CNKSR3: variants seen among roughly 807,000 people sequenced by gnomAD.
CNKSR3 encodes the protein connector enhancer of kinase suppressor of ras 3.
CNKSR3 carries 36 observed loss-of-function variants against 67.7 expected under a neutral mutation model. The ratio of observed to expected loss-of-function variants is 0.53; its 90% CI spans 0.41 to 0.70. The LOEUF (loss-of-function observed/expected upper bound fraction) is 0.70, where lower values mean the gene tolerates loss of function less well. Ranked by LOEUF, CNKSR3 falls within the 30% of genes least tolerant of loss-of-function variation. The pLI is 0.00. For synonymous variants in CNKSR3, 281 were observed against 271.4 expected, an observed-to-expected ratio of 1.04 and a Z score of -0.35; for missense variants, 630 against 695.2, an observed-to-expected ratio of 0.91 and a Z score of 1.05.
At position 154,398,367 on chromosome 6, in the gene CNKSR3, A is replaced by G. The variant is rs1784682849; in HGVS notation, c.*7987T>C. On this transcript the variant is annotated 3_prime_UTR_variant, in exon 13 of 13. Coordinates refer to ENST00000607772, the MANE Select transcript of CNKSR3 (RefSeq NM_173515.4). ...CCCCACAAAAGTGATTGTTATGCTG[A>G]GCCGAACAACCATTTTTTACTTCCC... 1 of 152,244 alleles carries G rather than the reference A, an allele frequency of 6.6e-6. No individual in the cohort carries two copies. The highest frequency in any genetic ancestry group is 1.5e-5 in the Non-Finnish European group (1 of 68,048). The allele number at this position is 152,244 out of a possible 1,614,324, so 9.4% of individuals were successfully genotyped here. A position where few individuals can be genotyped will look rare whatever the true frequency, so the allele number is the denominator to read the frequency against.
At chr6:154,450,796 A>C (rs1369449663) in intron 1 of CNKSR3, among the ~76,000 whole-genome samples, 1 of 152,226 alleles carries the variant, frequency 6.6e-6, no homozygotes, top group Non-Finnish European at 1.5e-5. Flanking sequence ...AAGAACTGAG[A>C]AGCTCTTTCT....
intron 5 of CNKSR3, among the ~76,000 whole-genome samples, chr6:154,431,131 G>A (rs9479849): frequency 0.02 from 3,104 of 151,968 alleles, 58 homozygotes; most frequent in African/African-American, 0.049. Context: ...CTTGTACTAG[G>A]TGTGGTGCAT....
In CNKSR3 at chr6:154,405,552, T is replaced by C. The variant is rs567064601; in HGVS notation, c.*802A>G. ...AAGACAGACACTGAACAGGTCAAAATGCAAACTCATGTATCTTTCATCAAC... is the reference window on the plus strand; with the variant it reads ...AAGACAGACACTGAACAGGTCAAAACGCAAACTCATGTATCTTTCATCAAC... On this transcript the variant is annotated 3_prime_UTR_variant, in exon 13 of 13. Transcript: ENST00000607772. The C allele has an allele frequency of 6.6e-6, 1 of 152,376 alleles. No homozygotes were observed. Among genetic ancestry groups the C allele is most frequent in the South Asian group, 2.1e-4 (1 of 4,836 alleles). The allele number at this position is 152,376 out of a possible 1,614,324, so 9.4% of individuals were successfully genotyped here.
intron 1 of CNKSR3, among the ~76,000 whole-genome samples, chr6:154,457,942 G>A (rs1785993877): frequency 1.3e-5 from 2 of 152,196 alleles, no homozygotes; most frequent in South Asian, 4.1e-4. Context: ...GTTCTGCTGA[G>A]TTTCTCCAAA....
intron 2 of CNKSR3, 59 bp from the exon 3 acceptor site, chr6:154,442,349 G>A (rs1450709313): frequency 2.1e-5 from 30 of 1,457,254 alleles, no homozygotes; most frequent in Middle Eastern, 1.8e-4. Flanking sequence ...TCGACAGGGC[G>A]CGGTGGCTCA....
At chr6:154,447,166 A>G (rs1268232468) in intron 2 of CNKSR3, among the ~76,000 whole-genome samples, 1 of 152,012 alleles carries the variant, frequency 6.6e-6, no homozygotes, top group Non-Finnish European at 1.5e-5. Flanking sequence ...GTTATTCTCA[A>G]TCACACCCTC....
At chr6:154,486,166 G>A (rs1171866045) in intron 1 of CNKSR3, among the ~76,000 whole-genome samples, 2 of 152,024 alleles carry the variant, frequency 1.3e-5, no homozygotes, top group Non-Finnish European at 2.9e-5. Flanking sequence ...CGTCAATATC[G>A]CCAGCCCTCA....
At chr6:154,476,240 C>T (rs1231164116) in intron 1 of CNKSR3, among the ~76,000 whole-genome samples, 2 of 151,912 alleles carry the variant, frequency 1.3e-5, no homozygotes, top group East Asian at 1.9e-4. Flanking sequence ...ATGGATCACC[C>T]GAGGTCAGGA....
At chr6:154,423,631 T>C (rs1288768986) in intron 7 of CNKSR3, among the ~76,000 whole-genome samples, 2 of 152,192 alleles carry the variant, frequency 1.3e-5, no homozygotes, top group Admixed American at 6.5e-5. Flanking sequence ...CATATCCTTA[T>C]CAAAATTAAT....
intron 1 of CNKSR3, among the ~76,000 whole-genome samples, chr6:154,498,299 G>T (rs536358690): frequency 1.5e-3 from 223 of 152,026 alleles, no homozygotes; most frequent in South Asian, 3.7e-3. Flanking sequence ...GACCATGGCT[G>T]TCCACAGAGG....
At position 154,410,359 on chromosome 6, in the gene CNKSR3, T is replaced by A. The variant is rs1362415351; in HGVS notation, c.1353A>T (p.Arg451=). 6.2e-7 allele frequency: 1 copy of A among 1,613,884 alleles called. No individual in the cohort carries two copies. The highest frequency in any genetic ancestry group is 1.3e-5 in the African/African-American group (1 of 75,012). The part of the protein sequence containing the change: ...MGIVDPFARP[R]GHGRKGEDAL... ...GAAACGTACCTTTCCTGCCATGACC[T>A]CGAGGTCTGGCAAAAGGGTCCACAA... is the stretch of plus-strand genomic sequence containing the variant. The change falls in exon 12 of 13, where the codon CGA becomes CGT. Residue 451 remains arginine, a synonymous_variant. Transcript: ENST00000607772.
At chr6:154,502,622 T>C (rs1324970642) in intron 1 of CNKSR3, among the ~76,000 whole-genome samples, 7 of 152,166 alleles carry the variant, frequency 4.6e-5, no homozygotes, top group African/African-American at 1.4e-4. Context: ...CTCTGGACCT[T>C]GGACAATTCA....
At chr6:154,452,727 A>G (rs1317461747) in intron 1 of CNKSR3, among the ~76,000 whole-genome samples, 2 of 152,244 alleles carry the variant, frequency 1.3e-5, no homozygotes, top group Admixed American at 6.5e-5. Context: ...TTCAAATGAC[A>G]TCGTTAAGGT....
At chr6:154,471,681 C>G (rs899318712) in intron 1 of CNKSR3, among the ~76,000 whole-genome samples, 2 of 152,150 alleles carry the variant, frequency 1.3e-5, no homozygotes, top group African/African-American at 4.8e-5. Flanking sequence ...CAGAGAGAAT[C>G]TTTCCTTGAC....
intron 1 of CNKSR3, among the ~76,000 whole-genome samples, chr6:154,475,238 A>G (rs1397469997): frequency 6.6e-6 from 1 of 152,162 alleles, no homozygotes; most frequent in Non-Finnish European, 1.5e-5. Flanking sequence ...GCCGGGAGGT[A>G]GAACAAGTTC....
intron 1 of CNKSR3, among the ~76,000 whole-genome samples, chr6:154,489,948 C>T (rs963780519): frequency 6.6e-6 from 1 of 152,178 alleles, no homozygotes; most frequent in Admixed American, 6.5e-5. Context: ...CCCCTCCAAA[C>T]TTCCGCCGTC....
chr6:154,444,496 G>A (rs891547411), intron 2 of CNKSR3, among the ~76,000 whole-genome samples: 1 of 152,054 alleles, frequency 6.6e-6, no homozygotes, highest in Non-Finnish European at 1.5e-5. Flanking sequence ...ATGACAAGAT[G>A]GACATTAGAC....
At chr6:154,467,287 C>T (rs1294281247) in intron 1 of CNKSR3, among the ~76,000 whole-genome samples, 1 of 152,252 alleles carries the variant, frequency 6.6e-6, no homozygotes. Flanking sequence ...AAGCTTTCTG[C>T]TTGGGCGTCC....
intron 1 of CNKSR3, among the ~76,000 whole-genome samples, chr6:154,484,924 G>A (rs946504357): frequency 6.6e-5 from 10 of 152,160 alleles, no homozygotes; most frequent in Non-Finnish European, 1.5e-4. Flanking sequence ...CACAGGTCTG[G>A]TAGCTGCTAC....
Sources: gnomAD v4.1 joint callset for allele counts (sites outside exome capture counted in the v4.1 genomes callset) on GRCh38, gnomAD v4.1.1 for gene constraint, MANE v1.5 for transcripts, NCBI Gene and HGNC (gene_info 2026-07-23, HGNC 2026-07-21) for gene names.